FLII: variants seen among roughly 807,000 people sequenced by gnomAD.
The protein encoded by FLII is FLII actin remodeling protein, also known as protein flightless-1 homolog.
FLII carries 101 observed loss-of-function variants against 156.2 expected under a neutral mutation model. The observed-to-expected ratio is 0.65, with a 90% CI of 0.55 to 0.76. The LOEUF (loss-of-function observed/expected upper bound fraction) is 0.76, where lower values mean the gene tolerates loss of function less well. Ranked by LOEUF, FLII falls within the 30% of genes least tolerant of loss-of-function variation. The pLI is 0.00. For synonymous variants in FLII, 767 were observed against 685.8 expected (o/e 1.12, Z -1.85); for missense variants, 1,675 against 1,682.8 (o/e 1.00, Z 0.08).
intron 14 of FLII, 151 bp from the exon 15 acceptor site, chr17:18,249,559 G>A (rs1023000575): frequency 9.1e-6 from 6 of 661,424 alleles, no homozygotes; most frequent in African/African-American, 1.8e-5. Flanking sequence ...GGAGTCTGAG[G>A]TGGGTGGATC....
At position 18,246,722 on chromosome 17, in the gene FLII, G is replaced by A. The variant is rs745323823; in HGVS notation, c.2923C>T (p.Gln975Ter). The A allele has an allele frequency of 1.9e-6, 3 of 1,613,410 alleles. No homozygotes were observed. The highest frequency in any genetic ancestry group is 2.2e-5 in the East Asian group (1 of 44,854). The change falls in exon 23 of 30, where the codon CAG (glutamine) becomes TAG (stop). Residue 975 changes from glutamine (Q) to a stop codon, truncating the protein, a stop_gained. Transcript: ENST00000327031. LOFTEE classifies it high-confidence loss of function. The stretch of plus-strand genomic sequence containing the variant: ...ATGCACTGGAAGTCCTCCTCTGGCT[G>A]CTTCTCCTCTGCCTCAGCGGTTGCT... Reference protein sequence around the residue: ...EEATAEAEEKQPEEDFQCIVY... With the variant: ...EEATAEAEEK
rs377345597 is a variant in FLII, at chr17:18,254,551, T to G, written c.545A>C (p.Asn182Thr). 5.6e-6 allele frequency: 9 copies of G among 1,612,906 alleles called. No homozygotes were observed. In the African/African-American group the frequency reaches 1.2e-4, roughly 22 times the overall value. ...RLVHLQTLVL[N>T]GNPLLHAQLR... ...CTGTGCATGCAGCAGGGGGTTTCCA[T>G]TGAGCACGAGCGTCTGCAGGTGCAC... The change falls in exon 6 of 30, where the codon AAT becomes ACT. Residue 182 changes from asparagine to threonine, a missense_variant. Around this residue, in one of 2 missense-constraint regions of FLII, gnomAD observed 343 missense variants for 413.5 expected, o/e 0.83. Transcript: ENST00000327031.
chr17:18,247,340 G>T lies in FLII; in HGVS notation c.2505C>A (p.Phe835Leu), dbSNP rs780765490. The change falls in exon 21 of 30, where the codon TTC (phenylalanine) becomes TTA (leucine). Residue 835 changes from phenylalanine (F) to leucine (L), a missense_variant. Transcript: ENST00000327031. The part of the protein sequence containing the change: ...GTEAQVFKAK[F>L]KNWDDVLTVD... ...CCGTCAACACATCGTCCCAATTCTT[G>T]AACTTGGCCTTGAACACCTGCCAGG... 6.2e-7 allele frequency: 1 copy of T among 1,605,034 alleles called. No individual in the cohort carries two copies. Among genetic ancestry groups the T allele is most frequent in the South Asian group, 1.1e-5 (1 of 90,604 alleles).
chr17:18,251,700 C>T lies in FLII; in HGVS notation c.1363G>A (p.Glu455Lys). ...VLKGMSDVAQEKNKKQEESAD... is the reference protein window; with the variant it reads ...VLKGMSDVAQKKNKKQEESAD... ...CTCACCTCCTGCTTTTTGTTCTTCTCCTGGGCAACATCTGACATGCCCTTC... is the reference window on the plus strand; with the variant it reads ...CTCACCTCCTGCTTTTTGTTCTTCTTCTGGGCAACATCTGACATGCCCTTC... Residue 455 changes from glutamate (E) to lysine (K), a missense_variant, in exon 12 of 30, where the codon GAG becomes AAG. Transcript: ENST00000327031. The T allele has an allele frequency of 6.2e-7, 1 of 1,614,044 alleles. No individual in the cohort carries two copies. The highest frequency in any genetic ancestry group is 8.5e-7 in the Non-Finnish European group (1 of 1,180,028).
chr17:18,248,911 G>C (rs2048173104), intron 16 of FLII, 28 bp from the exon 17 acceptor site: 1 of 1,587,050 alleles, frequency 6.3e-7, no homozygotes. Flanking sequence ...GGAAGGAGCT[G>C]TGATGGTGCA....
intron 7 of FLII, 127 bp from the exon 8 acceptor site, chr17:18,253,846 C>A (rs68165736): frequency 1.5e-5 from 15 of 1,005,988 alleles, no homozygotes; most frequent in Non-Finnish European, 1.8e-5. Flanking sequence ...AACTGCTGTG[C>A]GCCCAAGTTT....
Position 18,252,043 on chromosome 17 carries a change from C to G in FLII, c.1202G>C (p.Arg401Pro). The change falls in exon 11 of 30, where the codon CGG becomes CCG. Residue 401 changes from arginine to proline, a missense_variant. Arg to Pro is a moderately radical substitution (Grantham distance 103). This residue lies in a region of FLII where 1,332 missense variants were observed against 1,269.3 expected (regional missense o/e 1.05). Transcript: ENST00000327031. ...GGTAGCAGGAGAGGCACCCGCTAGC[C>G]GCAGCTGGTTCTGCAGCGAGAAGTC... ...NIDFSLQNQLRLAGASPATVA... is the reference protein window; with the variant it reads ...NIDFSLQNQLPLAGASPATVA... The G allele has an allele frequency of 6.2e-7, 1 of 1,613,196 alleles. No individual in the cohort carries two copies. Among genetic ancestry groups the G allele is most frequent in the Non-Finnish European group, 8.5e-7 (1 of 1,179,956 alleles).
chr17:18,247,359 TGCCAGGGAG>T lies in FLII; in HGVS notation c.2488-11_2488-3del. 1 of 1,597,620 alleles carries T rather than the reference TGCCAGGGAG, an allele frequency of 6.3e-7. No homozygotes were observed. Among genetic ancestry groups the T allele is most frequent in the Non-Finnish European group, 8.5e-7 (1 of 1,172,816 alleles). The stretch of plus-strand genomic sequence containing the variant: ...ATTCTTGAACTTGGCCTTGAACACC[TGCCAGGGAG>T]GCCATCAACTAACCATGAGGGGTGC... On this transcript the variant is annotated splice_polypyrimidine_tract_variant and splice_region_variant and intron_variant, in intron 20 of 29. Transcript: ENST00000327031.
intron 13 of FLII, 35 bp from the exon 14 acceptor site, chr17:18,251,052 T>A (rs2048250969): frequency 6.3e-7 from 1 of 1,591,888 alleles, no homozygotes; most frequent in Non-Finnish European, 8.6e-7. Flanking sequence ...TCAGCTTTCA[T>A]CCTGGTCTTC....
At position 18,245,565 on chromosome 17, in the gene FLII, T is replaced by C. The variant is rs771198992; in HGVS notation, c.3599A>G (p.Asn1200Ser). 6.2e-7 allele frequency: 1 copy of C among 1,613,748 alleles called. No homozygotes were observed. The highest frequency in any genetic ancestry group is 1.3e-5 in the African/African-American group (1 of 75,022). ...LADDDIMLLD[N>S]GQEVYMWVGT... ...GTGGCAACATCACACCTCTTGGCCA[T>C]TGTCTAGCAACATGATGTCATCATC... Residue 1200 changes from asparagine to serine, a missense_variant, in exon 28 of 30, where the codon AAT (asparagine) becomes AGT (serine). Physicochemically the swap from Asn to Ser is conservative, Grantham distance 46. Transcript: ENST00000327031.
chr17:18,252,435 G>T, intron 10 of FLII, 37 bp downstream of exon 10: 2 of 1,590,464 alleles, frequency 1.3e-6, no homozygotes, highest in Non-Finnish European at 1.7e-6. Context: ...CCCCTTGCTT[G>T]TCTCTCTTGA....
rs761523073 is a variant in FLII at position 18,245,579 on chromosome 17, G to A, written c.3585C>T (p.Ile1195=). Residue 1195 remains isoleucine, a synonymous_variant, in exon 28 of 30, where the codon ATC becomes ATT. Coordinates refer to ENST00000327031, the MANE Select transcript of FLII (RefSeq NM_002018.4). ...FCQDDLADDD[I]MLLDNGQEVY... is the part of the protein sequence containing the mutation. Reference sequence around the variant, plus strand: ...CCTCTTGGCCATTGTCTAGCAACATGATGTCATCATCTGCCAGGTCATCTT... The same window carrying A: ...CCTCTTGGCCATTGTCTAGCAACATAATGTCATCATCTGCCAGGTCATCTT... The A allele has an allele frequency of 6.8e-6, 11 of 1,613,762 alleles. No homozygotes were observed. The East Asian group carries it at 1.8e-4, about 26-fold the overall frequency.
chr17:18,253,234 C>T (rs1479040901), intron 9 of FLII, 67 bp downstream of exon 9: 2 of 1,550,360 alleles, frequency 1.3e-6, no homozygotes, highest in South Asian at 1.1e-5. Context: ...ACAAGGTGGG[C>T]TCTGACTACG....
At chr17:18,247,121 C>CGGGGCG in intron 21 of FLII, 48 bp downstream of exon 21, 1 of 1,398,092 alleles carries the variant, frequency 7.2e-7, no homozygotes, top group Non-Finnish European at 9.4e-7. Context: ...CGCCCTCGGC[C>CGGGGCG]TGCCCCCCAC....
At chr17:18,245,313 T>G (rs2047994828) in intron 29 of FLII, 41 bp from the exon 30 acceptor site, 1 of 1,613,726 alleles carries the variant, frequency 6.2e-7, no homozygotes, top group African/African-American at 1.3e-5. Flanking sequence ...GACCCTGCCC[T>G]GCCCACAGGC....
At chr17:18,254,461 G>A in intron 6 of FLII, 60 bp downstream of exon 6, 1 of 1,505,816 alleles carries the variant, frequency 6.6e-7, no homozygotes. Context: ...GGAAGTGAAG[G>A]GGCCCGGCCA....
At chr17:18,251,569 C>T in intron 12 of FLII, 92 bp from the exon 13 acceptor site, 1 of 1,572,056 alleles carries the variant, frequency 6.4e-7, no homozygotes, top group East Asian at 2.2e-5. Flanking sequence ...CTTTGCACAG[C>T]TGTTCTTTCT....
At chr17:18,255,918 G>T (rs1193008796) in intron 3 of FLII, among the ~76,000 whole-genome samples, 1 of 152,224 alleles carries the variant, frequency 6.6e-6, no homozygotes, top group Non-Finnish European at 1.5e-5. Flanking sequence ...ACCAGGAAGT[G>T]GCAAAGCCCA....
rs564079069 is a variant in FLII, at chr17:18,246,424, G to T, written c.3090C>A (p.Phe1030Leu). Residue 1030 changes from phenylalanine (F) to leucine (L), a missense_variant, in exon 24 of 30, where the codon TTC becomes TTA. Physicochemically the swap from Phe to Leu is conservative, Grantham distance 22 (BLOSUM62 0). Transcript: ENST00000327031. Reference protein sequence around the residue: ...RMTQQQENPKFLSHFKRKFII... With the variant: ...RMTQQQENPKLLSHFKRKFII... ...TGAACTTCCTCTTGAAATGGGACAG[G>T]AACTTGGGGTTCTCCTGCTGCTGCG... The T allele has an allele frequency of 6.2e-7, 1 of 1,614,036 alleles. No homozygotes were observed. The highest frequency in any genetic ancestry group is 1.3e-5 in the African/African-American group (1 of 75,026).
Sources: allele counts gnomAD v4.1 joint callset (sites outside exome capture counted in the v4.1 genomes callset), GRCh38; gene constraint gnomAD v4.1.1; regional missense constraint gnomAD v4.1.1; transcripts MANE v1.5; gene names NCBI Gene and HGNC (gene_info 2026-07-23, HGNC 2026-07-21).